The following DPP6 variants were observed in gnomAD, a reference collection of about 807,000 sequenced individuals.
The protein encoded by DPP6 is A-type potassium channel modulatory protein DPP6.
In DPP6, 69 loss-of-function variants were observed where a neutral mutation model predicts 122.6. The ratio of observed to expected loss-of-function variants is 0.56; its 90% CI spans 0.46 to 0.69. DPP6 has a LOEUF of 0.69. Among genes scored for constraint, DPP6 ranks in the 30% least tolerant of loss-of-function variants. The pLI, the probability that DPP6 is intolerant of heterozygous loss-of-function variation, is 0.00. For synonymous variants in DPP6, 418 were observed against 433.1 expected, an observed-to-expected ratio of 0.97 and a Z score of 0.43; for missense variants, 928 against 1,116.9, an observed-to-expected ratio of 0.83 and a Z score of 2.41.
chr7:153,867,230 T>C, the DPP6 span, among the ~76,000 whole-genome samples: 1 of 152,164 alleles, frequency 6.6e-6, no homozygotes, highest in Non-Finnish European at 1.5e-5. Context: ...AATCTATAAA[T>C]TACCTTGGGC....
the DPP6 span, among the ~76,000 whole-genome samples, chr7:153,842,976 A>G: frequency 6.6e-6 from 1 of 152,186 alleles, no homozygotes; most frequent in African/African-American, 2.4e-5. Context: ...CCACCTGCGC[A>G]TGTGTGCATG....
At chr7:153,878,174 G>A in the DPP6 span, among the ~76,000 whole-genome samples, 1 of 152,150 alleles carries the variant, frequency 6.6e-6, no homozygotes, top group African/African-American at 2.4e-5. Flanking sequence ...ACTTGTGTGG[G>A]AGTAATTTTG....
At chr7:154,807,262 T>G in intron 16 of DPP6, 150 bp downstream of exon 16, 1 of 1,222,432 alleles carries the variant, frequency 8.2e-7, no homozygotes, top group Non-Finnish European at 1.1e-6. Flanking sequence ...CTGATAACAT[T>G]GCTTATGGTG....
At chr7:154,040,694 G>C (rs557301982) in intron 1 of DPP6, among the ~76,000 whole-genome samples, 4 of 152,242 alleles carry the variant, frequency 2.6e-5, no homozygotes, top group Admixed American at 6.5e-5. Flanking sequence ...CATGTGTGCT[G>C]AAAGTATTTT....
intron 1 of DPP6, among the ~76,000 whole-genome samples, chr7:154,213,397 C>A (rs1799841631): frequency 6.6e-6 from 1 of 152,328 alleles, no homozygotes; most frequent in South Asian, 2.1e-4. Flanking sequence ...TCTGCCCTGA[C>A]TTAAAGCATG....
chr7:154,149,211 C>T (rs1271135989), intron 1 of DPP6, among the ~76,000 whole-genome samples: 1 of 152,296 alleles, frequency 6.6e-6, no homozygotes, highest in Non-Finnish European at 1.5e-5. Context: ...TCAGCTCCAT[C>T]TCAAAACCTA....
rs1800432139 is a variant in DPP6 at position 154,052,583 on chromosome 7, G to C, written c.-238G>C. On this transcript the variant is annotated 5_prime_UTR_variant, in exon 1 of 26. Coordinates refer to ENST00000377770, the MANE Select transcript of DPP6 (RefSeq NM_130797.4). This position sits in a 1 kb window ranked among gnomAD's most constrained non-coding sequence, Gnocchi z 4.8. ...AAAGCACAGCCAGAGCCCCGGCTTC[G>C]CGAGCCGCCGGGGAGGGGGCGGAGG... is the stretch of plus-strand genomic sequence containing the variant. The C allele has an allele frequency of 3.4e-6, 4 of 1,191,342 alleles. No individual in the cohort carries two copies. The South Asian group carries it at 6.5e-5, about 19-fold the overall frequency. The allele number at this position is 1,191,342 out of a possible 1,614,324, so 73.8% of individuals were successfully genotyped here.
At chr7:153,955,650 G>A (rs1272423062) in intron 1 of DPP6, among the ~76,000 whole-genome samples, 1 of 152,102 alleles carries the variant, frequency 6.6e-6, no homozygotes, top group African/African-American at 2.4e-5. Flanking sequence ...TGTTGGTCAG[G>A]CTGGTCTTGA....
At chr7:154,408,267 G>A (rs1816287343) in intron 1 of DPP6, among the ~76,000 whole-genome samples, 1 of 152,156 alleles carries the variant, frequency 6.6e-6, no homozygotes, top group Non-Finnish European at 1.5e-5. Flanking sequence ...TGTATTCAAT[G>A]TGTAAATACA....
intron 1 of DPP6, among the ~76,000 whole-genome samples, chr7:154,353,472 G>C (rs534403645): frequency 7.2e-5 from 11 of 152,128 alleles, no homozygotes; most frequent in Non-Finnish European, 1.6e-4. Context: ...GAACCAGCCC[G>C]TTATTCTAAT....
intron 8 of DPP6, among the ~76,000 whole-genome samples, chr7:154,748,348 G>C (rs1471254821): frequency 6.6e-6 from 1 of 152,202 alleles, no homozygotes; most frequent in Non-Finnish European, 1.5e-5. Flanking sequence ...GAAGCAGACT[G>C]GACAAAGAGC....
intron 10 of DPP6, among the ~76,000 whole-genome samples, chr7:154,788,674 T>G (rs190517360): frequency 3.0e-4 from 45 of 152,314 alleles, no homozygotes; most frequent in Non-Finnish European, 3.4e-4. Context: ...ATTTAGATGT[T>G]TCATTATTTT....
At chr7:154,778,550 T>G (rs1197342016) in intron 10 of DPP6, among the ~76,000 whole-genome samples, 1 of 150,734 alleles carries the variant, frequency 6.6e-6, no homozygotes, top group African/African-American at 2.5e-5. Flanking sequence ...CCTAATGGCT[T>G]GAGCACCCCC....
chr7:154,831,841 T>C (rs1445639725), intron 16 of DPP6, among the ~76,000 whole-genome samples: 3 of 152,200 alleles, frequency 2.0e-5, no homozygotes, highest in Admixed American at 6.5e-5. Context: ...AGTTCCTCTC[T>C]TGTCCTGTCA....
chr7:154,049,051 G>T (rs1169444476), upstream of DPP6, among the ~76,000 whole-genome samples: 3 of 150,140 alleles, frequency 2.0e-5, no homozygotes, highest in Admixed American at 6.6e-5. Context: ...TGGGTTGGGG[G>T]CATTTGGTTT....
chr7:153,778,213 A>T, the DPP6 span, among the ~76,000 whole-genome samples: 20 of 150,108 alleles, frequency 1.3e-4, no homozygotes, highest in Non-Finnish European at 8.8e-5. Flanking sequence ...TTCATTGTGT[A>T]AGAGAAAGAA....
At chr7:154,176,714 G>C (rs945039917) in intron 1 of DPP6, among the ~76,000 whole-genome samples, 15 of 152,236 alleles carry the variant, frequency 9.9e-5, no homozygotes, top group African/African-American at 3.6e-4. Context: ...CCACCTGCGT[G>C]GCCTGCCTTG....
In DPP6 at chr7:154,892,775, A is replaced by T. The variant is rs759193562; in HGVS notation, c.*295A>T. The T allele has an allele frequency of 6.3e-6, 4 of 630,312 alleles. No individual in the cohort carries two copies. In the Admixed American group the frequency reaches 7.4e-5, roughly 12 times the overall value. 39.0% of individuals were successfully genotyped at this position (630,312 alleles called of 1,614,324 possible). A position where few individuals can be genotyped will look rare whatever the true frequency, so the allele number is the denominator to read the frequency against. On this transcript the variant is annotated 3_prime_UTR_variant, in exon 26 of 26. Coordinates refer to ENST00000377770, the MANE Select transcript of DPP6 (RefSeq NM_130797.4). Reference sequence around the variant, plus strand: ...CCTCCCCCAAGGAACAGAGCAAAGGATGGTGGCCGCAGGCCCCACGCGAGC... The same window carrying T: ...CCTCCCCCAAGGAACAGAGCAAAGGTTGGTGGCCGCAGGCCCCACGCGAGC...
At chr7:154,162,938 C>G (rs11770350) in intron 1 of DPP6, among the ~76,000 whole-genome samples, 21,158 of 151,100 alleles carry the variant, frequency 0.14, 2,936 homozygotes, top group African/African-American at 0.36. Context: ...GAATGTATGC[C>G]TTGCTAGCAT....
Sources: gnomAD v4.1 joint callset for allele counts (sites outside exome capture counted in the v4.1 genomes callset) on GRCh38, gnomAD v4.1.1 for gene constraint, Gnocchi (gnomAD v3.1) non-coding constraint, MANE v1.5 for transcripts, NCBI Gene and HGNC (gene_info 2026-07-23, HGNC 2026-07-21) for gene names.